LMO4: variants seen among roughly 807,000 people sequenced by gnomAD.
LMO4 encodes LIM domain only 4.
Under a neutral mutation model 18.5 loss-of-function variants are expected in LMO4, and 3 were observed. That is an observed-to-expected ratio of 0.16 (90% CI 0.07 to 0.42). The LOEUF (loss-of-function observed/expected upper bound fraction) is 0.42, where lower values mean the gene tolerates loss of function less well. LMO4 is among the 10% of genes least tolerant of loss of function. LMO4 has a pLI of 0.99. For synonymous variants in LMO4, 100 were observed against 88.1 expected, an observed-to-expected ratio of 1.14 and a Z score of -0.76; for missense variants, 121 against 219.9, an observed-to-expected ratio of 0.55 and a Z score of 2.84.
chr1:87,337,397 A>C (rs1650346075), intron 2 of LMO4, among the ~76,000 whole-genome samples: 1 of 152,248 alleles, frequency 6.6e-6, no homozygotes, highest in African/African-American at 2.4e-5. Flanking sequence ...TAAATAAATG[A>C]ACACTTAGGC....
At chr1:87,341,233 T>A (rs1379023846) in intron 4 of LMO4, among the ~76,000 whole-genome samples, 2 of 152,244 alleles carry the variant, frequency 1.3e-5, no homozygotes, top group African/African-American at 2.4e-5. Flanking sequence ...GCCACTTGCA[T>A]GGATATTAAA....
At chr1:87,344,695 G>C (rs1650581526) in intron 4 of LMO4, 93 bp from the exon 5 acceptor site, 1 of 1,232,232 alleles carries the variant, frequency 8.1e-7, no homozygotes, top group African/African-American at 1.5e-5. Context: ...AAGAAGATTA[G>C]TGAATGTGGG....
chr1:87,344,525 A>G (rs759202648), intron 4 of LMO4, among the ~76,000 whole-genome samples: 5 of 152,202 alleles, frequency 3.3e-5, no homozygotes, highest in Non-Finnish European at 7.3e-5. Flanking sequence ...TTAAGCAATT[A>G]ATTGTAGTAC....
chr1:87,332,092 G>GC lies in LMO4; in HGVS notation c.78dup (p.Gly27ArgfsTer50). 6.2e-7 allele frequency: 1 copy of GC among 1,613,986 alleles called. No individual in the cohort carries two copies. The highest frequency in any genetic ancestry group is 8.5e-7 in the Non-Finnish European group (1 of 1,180,036). On this transcript the variant is annotated frameshift_variant, in exon 2 of 5. Coordinates refer to ENST00000370544, the MANE Select transcript of LMO4 (RefSeq NM_006769.4). LOFTEE classifies it high-confidence loss of function. ...CTCTCCTGGAAGCGGTGCGCAGGCT[G>GC]CGGGGGCAAGATTGCGGACCGCTTT...
At chr1:87,331,940 C>G (rs1426048718) in intron 1 of LMO4, 73 bp from the exon 2 acceptor site, 12 of 1,249,248 alleles carry the variant, frequency 9.6e-6, no homozygotes, top group African/African-American at 1.5e-5. Flanking sequence ...CTTGCTCTCT[C>G]TCCGGCGATT....
In LMO4 at chr1:87,329,228, A is replaced by G. The variant is rs1251438076; in HGVS notation, c.-20A>G. ...CGCCGCCGCCTCTCGCAATATTGCA[A>G]TATAGGGGAAAAGCAGGTAAGGGGG... On this transcript the variant is annotated 5_prime_UTR_variant, in exon 1 of 5. Transcript: ENST00000370544. 6.6e-6 allele frequency: 1 copy of G among 152,238 alleles called. No individual in the cohort carries two copies. The highest frequency in any genetic ancestry group is 6.5e-5 in the Admixed American group (1 of 15,280). The allele number at this position is 152,238 out of a possible 1,614,324, so 9.4% of individuals were successfully genotyped here.
intron 2 of LMO4, among the ~76,000 whole-genome samples, chr1:87,336,995 C>A (rs947823125): frequency 4.6e-5 from 7 of 152,172 alleles, no homozygotes. Flanking sequence ...CACACACGCA[C>A]ACACAACTTT....
intron 1 of LMO4, 97 bp from the exon 2 acceptor site, chr1:87,331,916 A>C: frequency 1.0e-6 from 1 of 967,226 alleles, no homozygotes; most frequent in Non-Finnish European, 1.6e-6. Flanking sequence ...CTCCGCGGGG[A>C]GGAGGGGAAT....
At position 87,348,736 on chromosome 1, in the gene LMO4, T is replaced by A. The variant is rs1486502849; in HGVS notation, c.*3940T>A. On this transcript the variant is annotated 3_prime_UTR_variant, in exon 5 of 5. Coordinates refer to ENST00000370544, the MANE Select transcript of LMO4 (RefSeq NM_006769.4). ...TTTCAGTTGTGCAAGAAGTGCTTTA[T>A]GCTAGTAGATATGTGCATGTTTCCT... is the stretch of plus-strand genomic sequence containing the variant. 1.9e-6 allele frequency: 1 copy of A among 516,582 alleles called. No homozygotes were observed. Among genetic ancestry groups the A allele is most frequent in the East Asian group, 5.5e-5 (1 of 18,302 alleles). 32.0% of individuals were successfully genotyped at this position (516,582 alleles called of 1,614,324 possible).
At chr1:87,337,838 A>AG (rs1277812952) in intron 2 of LMO4, among the ~76,000 whole-genome samples, 4 of 152,196 alleles carry the variant, frequency 2.6e-5, no homozygotes, top group African/African-American at 9.7e-5. Context: ...GTCCAGCATT[A>AG]GGAGACAGCA....
intron 1 of LMO4, among the ~76,000 whole-genome samples, chr1:87,329,597 G>A (rs1650070493): frequency 6.6e-6 from 1 of 151,716 alleles, no homozygotes; most frequent in South Asian, 2.1e-4. Context: ...AGTGTGTTTG[G>A]GGGGGTGGGG....
At chr1:87,329,631 C>T (rs777507524) in intron 1 of LMO4, among the ~76,000 whole-genome samples, 19 of 152,198 alleles carry the variant, frequency 1.2e-4, no homozygotes, top group African/African-American at 4.6e-4. Context: ...CGATACCCCC[C>T]CTCCCTTCTA....
At chr1:87,342,827 C>T (rs1374987975) in intron 4 of LMO4, among the ~76,000 whole-genome samples, 1 of 152,094 alleles carries the variant, frequency 6.6e-6, no homozygotes, top group Non-Finnish European at 1.5e-5. Flanking sequence ...AACATACTTC[C>T]TGGTGGAACA....
At chr1:87,343,849 G>A (rs1650560921) in intron 4 of LMO4, among the ~76,000 whole-genome samples, 1 of 152,168 alleles carries the variant, frequency 6.6e-6, no homozygotes, top group African/African-American at 2.4e-5. Flanking sequence ...CTTTTTGTAA[G>A]TTAGGGAAAG....
intron 1 of LMO4, among the ~76,000 whole-genome samples, chr1:87,329,503 G>A (rs1650067672): frequency 6.6e-6 from 1 of 152,158 alleles, no homozygotes; most frequent in Non-Finnish European, 1.5e-5. Flanking sequence ...GGGGCTGGTG[G>A]GGACCGTAGA....
Position 87,339,547 on chromosome 1 carries a change from A to G in LMO4, c.248A>G (p.Asn83Ser), listed in dbSNP as rs757648423. Residue 83 changes from asparagine to serine, a missense_variant, in exon 3 of 5, where the codon AAT becomes AGT. Around this residue, in one of 4 missense-constraint regions of LMO4, gnomAD observed 62 missense variants for 128.8 expected, o/e 0.48. Coordinates refer to ENST00000370544, the MANE Select transcript of LMO4 (RefSeq NM_006769.4). ...ATTCTTTGTTTCAGGTTATTTGGAAATAGCGGTGCTTGCAGCGCTTGCGGA... is the reference window on the plus strand; with the variant it reads ...ATTCTTTGTTTCAGGTTATTTGGAAGTAGCGGTGCTTGCAGCGCTTGCGGA... The part of the protein sequence containing the change: ...CRNDYIRLFG[N>S]SGACSACGQS... The G allele has an allele frequency of 1.4e-5, 22 of 1,613,392 alleles. No homozygotes were observed. The Middle Eastern group carries it at 6.6e-4, about 48-fold the overall frequency.
chr1:87,331,934 C>G, intron 1 of LMO4, 79 bp from the exon 2 acceptor site: 2 of 1,184,924 alleles, frequency 1.7e-6, no homozygotes, highest in Non-Finnish European at 1.2e-6. Flanking sequence ...AATGGGCTTG[C>G]TCTCTCTCCG....
rs779807097 is a variant in LMO4 at position 87,332,337 on chromosome 1, C to T, written c.236+86C>T. 19 of 1,011,156 alleles carry T rather than the reference C, an allele frequency of 1.9e-5. No individual in the cohort carries two copies. In the South Asian group the frequency reaches 1.9e-4, roughly 10 times the overall value. The allele number at this position is 1,011,156 out of a possible 1,614,324, so 62.6% of individuals were successfully genotyped here. ...ACAGGGTTGTGAGGAAAGGAGTAGG[C>T]GTCTACGGGGAGTATGCAGCCTTCA... On this transcript the variant is annotated intron_variant, in intron 2 of 4. Coordinates refer to ENST00000370544, the MANE Select transcript of LMO4 (RefSeq NM_006769.4).
intron 2 of LMO4, among the ~76,000 whole-genome samples, chr1:87,335,477 G>C (rs1650279709): frequency 6.6e-6 from 1 of 151,818 alleles, no homozygotes; most frequent in Admixed American, 6.6e-5. Flanking sequence ...AGCGCAGGGC[G>C]GGAGCCGGGC....
Sources: gnomAD v4.1 joint callset for allele counts (sites outside exome capture counted in the v4.1 genomes callset) on GRCh38, gnomAD v4.1.1 for gene constraint, gnomAD v4.1.1 regional missense constraint, MANE v1.5 for transcripts, NCBI Gene and HGNC (gene_info 2026-07-23, HGNC 2026-07-21) for gene names.